Variants in RYR2 observed in about 807,000 individuals in gnomAD.
RYR2 encodes ryanodine receptor 2, also known as cardiac muscle ryanodine receptor-calcium release channel.
RYR2 carries 227 observed loss-of-function variants against 601.1 expected under a neutral mutation model. That is an observed-to-expected ratio of 0.38 (90% confidence interval 0.34 to 0.42). The LOEUF is 0.42. Among genes scored for constraint, RYR2 ranks in the 10% least tolerant of loss-of-function variants. RYR2 has a pLI of 1.00. For synonymous variants in RYR2, 2,223 were observed against 2,175.1 expected (o/e 1.02, Z -0.61); for missense variants, 4,646 against 6,156.5 (o/e 0.75, Z 8.21).
chr1:237,538,169 C>T (rs1034633405), intron 25 of RYR2, among the ~76,000 whole-genome samples: 1 of 151,454 alleles, frequency 6.6e-6, no homozygotes, highest in Non-Finnish European at 1.5e-5. Flanking sequence ...GTGGGCAGAT[C>T]ATCAGAGGTC....
intron 37 of RYR2, among the ~76,000 whole-genome samples, chr1:237,615,081 C>G (rs753859140): frequency 2.0e-5 from 3 of 152,168 alleles, no homozygotes; most frequent in African/African-American, 4.8e-5. Context: ...TACAAGCCAT[C>G]AAATACCCCT....
intron 63 of RYR2, 122 bp downstream of exon 63, chr1:237,687,626 G>A (rs542787952): frequency 4.6e-5 from 35 of 756,646 alleles, no homozygotes; most frequent in Middle Eastern, 2.3e-4. Flanking sequence ...ATGCATGGTC[G>A]TTGCAGGCCA....
intron 1 of RYR2, among the ~76,000 whole-genome samples, chr1:237,268,480 T>A (rs1689293910): frequency 6.6e-6 from 1 of 152,220 alleles, no homozygotes; most frequent in South Asian, 2.1e-4. Flanking sequence ...AATAATGCTA[T>A]TTTTTTAGCA....
intron 10 of RYR2, among the ~76,000 whole-genome samples, chr1:237,401,262 G>A (rs1703323321): frequency 6.6e-6 from 1 of 152,128 alleles, no homozygotes; most frequent in African/African-American, 2.4e-5. Context: ...GCATACTGCG[G>A]TATATTTCTG....
At chr1:237,642,539 A>T (rs1187058934) in intron 47 of RYR2, among the ~76,000 whole-genome samples, 2 of 152,248 alleles carry the variant, frequency 1.3e-5, no homozygotes, top group African/African-American at 4.8e-5. Context: ...ATTCTATTAT[A>T]TTAATGGGGG....
chr1:237,464,197 G>A lies in RYR2; in HGVS notation c.1613-4895G>A, dbSNP rs1038520599. ...TCTTGCTCCAAATTCCAGGTTCATG[G>A]ACTAAGATAGTCAAAAGGCTTTCCT... On this transcript the variant is annotated intron_variant, in intron 16 of 104. Transcript: ENST00000366574. Among the ~76,000 whole-genome samples the A allele has an allele frequency of 2.2e-4, 33 of 152,176 alleles. 1 individual carries two copies. Among genetic ancestry groups the A allele is most frequent in the Admixed American group, 1.6e-3 (24 of 15,272 alleles).
intron 97 of RYR2, 52 bp from the exon 98 acceptor site, chr1:237,801,804 G>C (rs1461491981): frequency 8.6e-7 from 1 of 1,169,038 alleles, no homozygotes; most frequent in East Asian, 2.4e-5. Flanking sequence ...GCAAGCCTAT[G>C]AGTCTTTGGT....
At chr1:237,326,218 C>T (rs892783977) in intron 2 of RYR2, among the ~76,000 whole-genome samples, 1 of 151,878 alleles carries the variant, frequency 6.6e-6, no homozygotes, top group African/African-American at 2.4e-5. Context: ...TTTTTTCCCC[C>T]TCTAAGACTA....
chr1:237,681,012 A>G (rs1242803254), intron 62 of RYR2, among the ~76,000 whole-genome samples: 1 of 152,216 alleles, frequency 6.6e-6, no homozygotes, highest in East Asian at 1.9e-4. Flanking sequence ...GAAGAAAATG[A>G]AGTAAAGATA....
intron 2 of RYR2, among the ~76,000 whole-genome samples, chr1:237,288,659 G>C (rs2149409537): frequency 6.6e-6 from 1 of 152,220 alleles, no homozygotes; most frequent in Non-Finnish European, 1.5e-5. Context: ...TACTCCCACT[G>C]TGCCCCCCAA....
chr1:237,750,657 T>TCAG (rs557535359), intron 80 of RYR2, among the ~76,000 whole-genome samples: 10,021 of 151,886 alleles, frequency 0.066, 378 homozygotes, highest in South Asian at 0.096. Context: ...AACAAATTTC[T>TCAG]GAAGTAAAAT....
chr1:237,552,155 A>T (rs1182975007), intron 27 of RYR2, among the ~76,000 whole-genome samples: 1 of 152,158 alleles, frequency 6.6e-6, no homozygotes, highest in African/African-American at 2.4e-5. Context: ...ACGCATTATG[A>T]ATCAGTTGCT....
chr1:237,824,968 G>A (rs1662929296), intron 101 of RYR2, among the ~76,000 whole-genome samples: 1 of 152,118 alleles, frequency 6.6e-6, no homozygotes, highest in African/African-American at 2.4e-5. Flanking sequence ...GGATGTGAAG[G>A]ACCTCTTCAA....
intron 1 of RYR2, among the ~76,000 whole-genome samples, chr1:237,249,343 G>T (rs889439509): frequency 6.6e-6 from 1 of 152,156 alleles, no homozygotes; most frequent in Non-Finnish European, 1.5e-5. Flanking sequence ...TGGGTGATCA[G>T]ATCTCACCAA....
At chr1:237,616,028 C>T (rs553533573) in intron 37 of RYR2, among the ~76,000 whole-genome samples, 4 of 151,918 alleles carry the variant, frequency 2.6e-5, no homozygotes, top group African/African-American at 7.2e-5. Context: ...GTAGGAAAAT[C>T]GATAAGGGAG....
At chr1:237,667,612 AG>A (rs377520220) in intron 57 of RYR2, among the ~76,000 whole-genome samples, 3 of 152,326 alleles carry the variant, frequency 2.0e-5, no homozygotes, top group African/African-American at 7.2e-5. Flanking sequence ...TGAAGTCCAT[AG>A]CTATTTTGGT....
chr1:237,313,145 G>A (rs1694739753), intron 2 of RYR2, among the ~76,000 whole-genome samples: 3 of 151,248 alleles, frequency 2.0e-5, no homozygotes, highest in Admixed American at 2.0e-4. Flanking sequence ...AGATATGTAA[G>A]TATTGAAGTA....
intron 54 of RYR2, among the ~76,000 whole-genome samples, chr1:237,658,350 C>G (rs1041792754): frequency 6.6e-6 from 1 of 151,936 alleles, no homozygotes; most frequent in Non-Finnish European, 1.5e-5. Context: ...ATGATGACTC[C>G]GGGTTCAGAA....
chr1:237,540,216 C>T (rs1669105756), intron 25 of RYR2, among the ~76,000 whole-genome samples: 1 of 151,912 alleles, frequency 6.6e-6, no homozygotes, highest in Non-Finnish European at 1.5e-5. Flanking sequence ...AAAAACAATC[C>T]ACTCACTCCA....
Sources: allele counts gnomAD v4.1 joint callset (sites outside exome capture counted in the v4.1 genomes callset), GRCh38; gene constraint gnomAD v4.1.1; transcripts MANE v1.5; gene names NCBI Gene and HGNC (gene_info 2026-07-23, HGNC 2026-07-21).